The following ARHGAP18 variants were observed in gnomAD, a reference collection of about 807,000 sequenced individuals.
The protein encoded by ARHGAP18 is Rho GTPase activating protein 18, also known as rho GTPase-activating protein 18.
ARHGAP18 carries 67 observed loss-of-function variants against 86.2 expected under a neutral mutation model. That is an observed-to-expected ratio of 0.78 (90% CI 0.64 to 0.95). The LOEUF (loss-of-function observed/expected upper bound fraction) is 0.95. Among genes scored for constraint, ARHGAP18 ranks in the 40% least tolerant of loss-of-function variants. The probability of loss-of-function intolerance (pLI) is 0.00; values close to 1 mark genes in which losing one functional copy is unlikely to be tolerated. For missense variants in ARHGAP18, 691 were observed against 780.4 expected (o/e 0.89, Z 1.37); for synonymous variants, 283 against 280.4 (o/e 1.01, Z -0.09).
At chr6:129,611,643 G>T (rs61743480) in intron 7 of ARHGAP18, 33 bp from the exon 8 acceptor site, 1 of 1,583,446 alleles carries the variant, frequency 6.3e-7, no homozygotes, top group Admixed American at 1.7e-5. Flanking sequence ...TCTAATTTCC[G>T]TATTTGTAAC....
At chr6:129,649,547 T>C (rs1162898509) in intron 1 of ARHGAP18, among the ~76,000 whole-genome samples, 1 of 124,178 alleles carries the variant, frequency 8.1e-6, no homozygotes, top group Non-Finnish European at 1.6e-5. Flanking sequence ...AGCAAGTCTC[T>C]GTCTCCAAAA....
chr6:129,657,996 C>T (rs1224651197), intron 1 of ARHGAP18, among the ~76,000 whole-genome samples: 2 of 152,122 alleles, frequency 1.3e-5, no homozygotes, highest in African/African-American at 4.8e-5. Flanking sequence ...TCATTTTTAG[C>T]CCATACTAAT....
At chr6:129,603,093 A>G (rs547056139) in intron 10 of ARHGAP18, among the ~76,000 whole-genome samples, 1 of 151,926 alleles carries the variant, frequency 6.6e-6, no homozygotes, top group East Asian at 1.9e-4. Context: ...TGTGCCTGTC[A>G]CCTGGGCAGT....
chr6:129,580,060 A>T lies in ARHGAP18; in HGVS notation c.1900+10T>A. On this transcript the variant is annotated intron_variant, in intron 14 of 14. Coordinates refer to ENST00000368149, the MANE Select transcript of ARHGAP18 (RefSeq NM_033515.3). ...GCATATAAAATGTAAAGAGAAAAAA[A>T]AGTGCTTACCAATATTTCCTCCAAT... 6.2e-7 allele frequency: 1 copy of T among 1,606,744 alleles called. No homozygotes were observed. The highest frequency in any genetic ancestry group is 8.5e-7 in the Non-Finnish European group (1 of 1,173,776).
At chr6:129,661,905 A>C in intron 1 of ARHGAP18, 1 of 985,340 alleles carries the variant, frequency 1.0e-6, no homozygotes, top group Non-Finnish European at 1.2e-6. Flanking sequence ...AGCTGGTTTC[A>C]AGTCCACCAA....
At chr6:129,602,627 C>T (rs1470736777) in intron 10 of ARHGAP18, among the ~76,000 whole-genome samples, 1 of 152,022 alleles carries the variant, frequency 6.6e-6, no homozygotes, top group Non-Finnish European at 1.5e-5. Context: ...TATCTAATTT[C>T]TAGTACAGTG....
intron 2 of ARHGAP18, among the ~76,000 whole-genome samples, chr6:129,639,372 T>C (rs1773398998): frequency 2.0e-5 from 3 of 152,170 alleles, no homozygotes; most frequent in Admixed American, 2.0e-4. Context: ...ATCATATTTA[T>C]AGAGGAAAAT....
At chr6:129,667,508 G>GTTT (rs1562717991) in intron 1 of ARHGAP18, among the ~76,000 whole-genome samples, 1 of 121,142 alleles carries the variant, frequency 8.3e-6, no homozygotes. Flanking sequence ...TGTGTGTGTT[G>GTTT]TGTATGTGGA....
rs1470210888 is a variant in ARHGAP18, at chr6:129,625,104, T to A, written c.786+4249A>T. On this transcript the variant is annotated intron_variant, in intron 5 of 14. Coordinates refer to ENST00000368149, the MANE Select transcript of ARHGAP18 (RefSeq NM_033515.3). ...TATGATATATGATATATGATATATA[T>A]TATATATTATATAGATATATATTAT... 1.9e-4 allele frequency among the ~76,000 whole-genome samples: 15 copies of A among 78,316 alleles called. 3 individuals are homozygous for A. Among genetic ancestry groups the A allele is most frequent in the African/African-American group, 5.1e-4 (10 of 19,746 alleles). 51.4% of individuals were successfully genotyped at this position (78,316 alleles called of 152,430 possible).
chr6:129,623,796 A>G (rs957458436), intron 5 of ARHGAP18, among the ~76,000 whole-genome samples: 1 of 152,242 alleles, frequency 6.6e-6, no homozygotes, highest in African/African-American at 2.4e-5. Flanking sequence ...AAAAAAATAC[A>G]TGGACAGATT....
chr6:129,592,209 C>G (rs1788530786), intron 12 of ARHGAP18, among the ~76,000 whole-genome samples: 1 of 152,084 alleles, frequency 6.6e-6, no homozygotes, highest in South Asian at 2.1e-4. Context: ...CTTGGGTCCC[C>G]AAGTAAATCC....
intron 1 of ARHGAP18, among the ~76,000 whole-genome samples, chr6:129,652,872 G>A (rs1773744013): frequency 6.6e-6 from 1 of 152,086 alleles, no homozygotes; most frequent in Non-Finnish European, 1.5e-5. Context: ...ACAATGTTTT[G>A]AAATTTAATG....
At chr6:129,642,380 G>C (rs1773487082) in intron 1 of ARHGAP18, among the ~76,000 whole-genome samples, 1 of 152,084 alleles carries the variant, frequency 6.6e-6, no homozygotes, top group African/African-American at 2.4e-5. Flanking sequence ...AAATTACTGG[G>C]CTCAAGTGAT....
intron 1 of ARHGAP18, among the ~76,000 whole-genome samples, chr6:129,688,493 T>TA (rs1460777772): frequency 2.0e-5 from 3 of 152,164 alleles, no homozygotes; most frequent in African/African-American, 7.2e-5. Flanking sequence ...GCACAGTTTT[T>TA]AAAAAACACG....
At chr6:129,687,870 T>A (rs1344687944) in intron 1 of ARHGAP18, among the ~76,000 whole-genome samples, 1 of 152,200 alleles carries the variant, frequency 6.6e-6, no homozygotes, top group African/African-American at 2.4e-5. Context: ...CACAGAGATG[T>A]TTTGTAACTC....
At chr6:129,631,814 G>A (rs1156313559) in intron 4 of ARHGAP18, among the ~76,000 whole-genome samples, 1 of 150,196 alleles carries the variant, frequency 6.7e-6, no homozygotes, top group African/African-American at 2.5e-5. Context: ...AAGAAAATAA[G>A]AAGCTATACA....
chr6:129,663,213 A>T (rs192673312), intron 1 of ARHGAP18, among the ~76,000 whole-genome samples: 1 of 152,258 alleles, frequency 6.6e-6, no homozygotes, highest in African/African-American at 2.4e-5. Context: ...AGCTGAAACG[A>T]CCCTAGAGAT....
At chr6:129,611,719 C>G (rs1018722599) in intron 7 of ARHGAP18, 109 bp from the exon 8 acceptor site, 2 of 883,918 alleles carry the variant, frequency 2.3e-6, no homozygotes, top group Non-Finnish European at 3.5e-6. Flanking sequence ...GACATGTAAA[C>G]TGGATTTTAT....
intron 10 of ARHGAP18, among the ~76,000 whole-genome samples, chr6:129,603,261 G>C (rs35426009): frequency 0.13 from 19,380 of 151,966 alleles, 1,336 homozygotes; most frequent in Admixed American, 0.18. Context: ...TCTCATTCCT[G>C]CTTTACTTCA....
Sources: gnomAD v4.1 joint callset for allele counts (sites outside exome capture counted in the v4.1 genomes callset) on GRCh38, gnomAD v4.1.1 for gene constraint, MANE v1.5 for transcripts, NCBI Gene and HGNC (gene_info 2026-07-23, HGNC 2026-07-21) for gene names.